The following FGF14 variants were observed in gnomAD, a reference collection of about 807,000 sequenced individuals.
FGF14 encodes fibroblast growth factor 14.
Under a neutral mutation model 25.5 loss-of-function variants are expected in FGF14, and 5 were observed. The observed-to-expected ratio is 0.20, with a 90% CI of 0.10 to 0.41. FGF14 has a LOEUF of 0.41. FGF14 is among the 10% of genes least tolerant of loss of function. The pLI, the probability that FGF14 is intolerant of heterozygous loss-of-function variation, is 1.00. For missense variants in FGF14, 222 were observed against 320.1 expected (o/e 0.69, Z 2.34); for synonymous variants, 138 against 118.3 (o/e 1.17, Z -1.08).
At chr13:101,723,159 C>T (rs1219073869) in intron 4 of FGF14, 192 bp from the exon 5 acceptor site, 1 of 675,748 alleles carries the variant, frequency 1.5e-6, no homozygotes, top group Non-Finnish European at 2.6e-6. Flanking sequence ...ACTCCCTTCA[C>T]ATTCTCTGGT....
chr13:102,316,486 G>A (rs376287448), intron 1 of FGF14, among the ~76,000 whole-genome samples: 2 of 152,046 alleles, frequency 1.3e-5, no homozygotes, highest in Admixed American at 1.3e-4. Context: ...TTTTTAAAAG[G>A]GAGGATATCT....
At chr13:102,381,048 C>T (rs939047016) in intron 1 of FGF14, among the ~76,000 whole-genome samples, 2 of 152,148 alleles carry the variant, frequency 1.3e-5, no homozygotes, top group Non-Finnish European at 2.9e-5. Context: ...TGGGCAAAAT[C>T]ATCTAACACA....
chr13:102,019,069 T>C (rs1438558405), intron 1 of FGF14, among the ~76,000 whole-genome samples: 2 of 152,152 alleles, frequency 1.3e-5, no homozygotes, highest in Non-Finnish European at 2.9e-5. Context: ...TGTAGACATT[T>C]TGCAAGGCAT....
At chr13:101,950,614 G>A (rs548970281) in intron 1 of FGF14, among the ~76,000 whole-genome samples, 1 of 152,280 alleles carries the variant, frequency 6.6e-6, no homozygotes, top group Non-Finnish European at 1.5e-5. Context: ...ATATCTGTTT[G>A]TGTAGTCACA....
chr13:102,307,951 G>A (rs778796817), intron 1 of FGF14, among the ~76,000 whole-genome samples: 1 of 151,964 alleles, frequency 6.6e-6, no homozygotes, highest in Non-Finnish European at 1.5e-5. Flanking sequence ...AGAAACCTGG[G>A]GCCTAGAAAA....
chr13:102,397,388 A>G (rs1366182493), intron 1 of FGF14, among the ~76,000 whole-genome samples: 3 of 152,196 alleles, frequency 2.0e-5, no homozygotes. Flanking sequence ...TTCCACCTCA[A>G]AGTTACACGA....
intron 1 of FGF14, among the ~76,000 whole-genome samples, chr13:102,299,422 A>T (rs994913819): frequency 6.6e-6 from 1 of 152,184 alleles, no homozygotes; most frequent in Admixed American, 6.5e-5. Flanking sequence ...AGCCATGTGC[A>T]CATTTAAAGG....
chr13:101,939,240 C>T (rs967315171), intron 1 of FGF14, among the ~76,000 whole-genome samples: 6 of 152,138 alleles, frequency 3.9e-5, no homozygotes, highest in East Asian at 1.9e-4. Context: ...ACAATCTGTG[C>T]GTTTCATAGA....
chr13:101,856,904 A>G (rs1189242815), intron 3 of FGF14, among the ~76,000 whole-genome samples: 1 of 152,002 alleles, frequency 6.6e-6, no homozygotes, highest in Non-Finnish European at 1.5e-5. Context: ...TGTGACAGGC[A>G]TCTCTTTTGC....
At chr13:102,222,957 T>C (rs1053081723) in intron 1 of FGF14, among the ~76,000 whole-genome samples, 4 of 152,192 alleles carry the variant, frequency 2.6e-5, no homozygotes, top group Non-Finnish European at 5.9e-5. Flanking sequence ...AATGAAATCA[T>C]ATTTTAAGAG....
intron 2 of FGF14, among the ~76,000 whole-genome samples, chr13:101,871,272 A>G (rs1009620475): frequency 1.1e-4 from 17 of 152,152 alleles, no homozygotes; most frequent in African/African-American, 3.9e-4. Context: ...AGTTCTTCAT[A>G]TAACAGTGAT....
chr13:102,229,424 A>G lies in FGF14; in HGVS notation c.208+172047T>C, dbSNP rs533476243. Reference sequence around the variant, plus strand: ...CACAGATGATGTGTGGCGCAGAGACATGGTGATGAATAGGAGAAATGAACT... The same window carrying G: ...CACAGATGATGTGTGGCGCAGAGACGTGGTGATGAATAGGAGAAATGAACT... On this transcript the variant is annotated intron_variant, in intron 1 of 4. Transcript: ENST00000376131. Among the ~76,000 whole-genome samples, 8 of 152,358 alleles carry G rather than the reference A, an allele frequency of 5.3e-5. No individual in the cohort carries two copies. In the East Asian group the frequency reaches 7.7e-4, roughly 15 times the overall value.
At chr13:102,395,881 C>G (rs1007551577) in intron 1 of FGF14, among the ~76,000 whole-genome samples, 10 of 152,162 alleles carry the variant, frequency 6.6e-5, no homozygotes, top group Admixed American at 6.5e-4. Context: ...TAGGAAGTCC[C>G]TAAGAATCCC....
chr13:102,079,677 A>C (rs1374532801), intron 1 of FGF14, among the ~76,000 whole-genome samples: 2 of 152,166 alleles, frequency 1.3e-5, no homozygotes, highest in African/African-American at 4.8e-5. Flanking sequence ...GTGTCCATGG[A>C]GCTCGTTCTT....
chr13:101,786,915 C>T (rs2039869102), intron 3 of FGF14, among the ~76,000 whole-genome samples: 1 of 152,148 alleles, frequency 6.6e-6, no homozygotes, highest in Non-Finnish European at 1.5e-5. Context: ...ACTGTCTCCA[C>T]ACTGGATTTT....
chr13:101,964,077 C>T lies in FGF14; in HGVS notation c.209-88781G>A, dbSNP rs141570409. ...ATGAAACATGACCATCTTAAAACCA[C>T]GATTTTCTCAGCAAGATCACTGAAG... is the stretch of plus-strand genomic sequence containing the variant. On this transcript the variant is annotated intron_variant, in intron 1 of 4. Coordinates refer to the FGF14 transcript ENST00000376131. 1.5e-3 allele frequency among the ~76,000 whole-genome samples: 223 copies of T among 152,284 alleles called. 1 individual carries two copies. The highest frequency in any genetic ancestry group is 2.7e-3 in the South Asian group (13 of 4,822).
chr13:102,229,534 C>T (rs529848967), intron 1 of FGF14, among the ~76,000 whole-genome samples: 1 of 152,146 alleles, frequency 6.6e-6, no homozygotes. Context: ...AAAGTTGTGA[C>T]TAATGAGGAT....
Position 101,785,696 on chromosome 13 carries a change from T to C in FGF14, c.409-58886A>G, listed in dbSNP as rs188337080. On this transcript the variant is annotated intron_variant, in intron 3 of 4. Transcript: ENST00000376143. Reference sequence around the variant, plus strand: ...AACCGTATTCTATTATCAAAGTAGCTGGCTCTATAGTATTATATGTGTTCA... The same window carrying C: ...AACCGTATTCTATTATCAAAGTAGCCGGCTCTATAGTATTATATGTGTTCA... Among the ~76,000 whole-genome samples, 445 of 152,318 alleles carry C rather than the reference T, an allele frequency of 2.9e-3. 9 individuals carry two copies. The highest frequency in any genetic ancestry group is 7.2e-4 in the Non-Finnish European group (49 of 68,036).
At chr13:102,011,165 T>C (rs951922179) in intron 1 of FGF14, among the ~76,000 whole-genome samples, 2 of 152,208 alleles carry the variant, frequency 1.3e-5, no homozygotes, top group East Asian at 1.9e-4. Flanking sequence ...TAGGATAGCA[T>C]TGTTGTAATA....
Sources: allele counts gnomAD v4.1 joint callset (sites outside exome capture counted in the v4.1 genomes callset), GRCh38; gene constraint gnomAD v4.1.1; transcripts MANE v1.5; gene names NCBI Gene and HGNC (gene_info 2026-07-23, HGNC 2026-07-21).